The following GABRG1 variants were observed in gnomAD, a reference collection of about 807,000 sequenced individuals.
GABRG1 encodes the protein gamma-aminobutyric acid receptor subunit gamma-1.
A neutral mutation model predicts 49.8 loss-of-function variants in GABRG1; 49 were observed. The observed-to-expected ratio is 0.98, with a 90% confidence interval of 0.78 to 1.25. The LOEUF (loss-of-function observed/expected upper bound fraction) is 1.25, where lower values mean the gene tolerates loss of function less well. Among genes scored for constraint, GABRG1 ranks in the 50% most tolerant of loss-of-function variants. The probability of loss-of-function intolerance (pLI) is 0.00; values close to 1 mark genes in which losing one functional copy is unlikely to be tolerated. For synonymous variants in GABRG1, 232 were observed against 185.1 expected, an observed-to-expected ratio of 1.25 and a Z score of -2.06; for missense variants, 552 against 552.3, an observed-to-expected ratio of 1.00 and a Z score of 0.01.
chr4:46,048,856 A>G (rs2109395690), intron 8 of GABRG1, among the ~76,000 whole-genome samples: 1 of 152,096 alleles, frequency 6.6e-6, no homozygotes, highest in African/African-American at 2.4e-5. Context: ...GGTTCTTTGA[A>G]GCTAAAAATC....
chr4:46,116,395 A>G (rs1720887954), intron 1 of GABRG1, among the ~76,000 whole-genome samples: 1 of 150,834 alleles, frequency 6.6e-6, no homozygotes, highest in South Asian at 2.1e-4. Context: ...TAGAAAAAAA[A>G]TACAAATCGT....
chr4:46,057,541 C>A (rs1256325376), intron 7 of GABRG1, among the ~76,000 whole-genome samples: 2 of 151,972 alleles, frequency 1.3e-5, no homozygotes, highest in Non-Finnish European at 2.9e-5. Flanking sequence ...TGTAATTAGT[C>A]ACTTATTTTG....
intron 5 of GABRG1, among the ~76,000 whole-genome samples, chr4:46,062,218 T>G (rs1318104483): frequency 6.6e-6 from 1 of 152,016 alleles, no homozygotes; most frequent in Non-Finnish European, 1.5e-5. Flanking sequence ...AACATTTTTA[T>G]GGCTGCATAG....
At chr4:46,090,955 TAC>T (rs61288916) in intron 2 of GABRG1, among the ~76,000 whole-genome samples, 17,871 of 130,966 alleles carry the variant, frequency 0.14, 1,166 homozygotes, top group African/African-American at 0.18. Context: ...CACACACACA[TAC>T]ACACACACAC....
chr4:46,095,356 A>T lies in GABRG1; in HGVS notation c.253+1845T>A, dbSNP rs1027517362. ...TATTCAACTTTATGTTCCTAAATAA[A>T]TAAATACAGAAGTAAATGCATTTTC... is the stretch of plus-strand genomic sequence containing the variant. On this transcript the variant is annotated intron_variant, in intron 2 of 8. Coordinates refer to ENST00000295452, the MANE Select transcript of GABRG1 (RefSeq NM_173536.4). 2.0e-5 allele frequency among the ~76,000 whole-genome samples: 3 copies of T among 151,926 alleles called. No homozygotes were observed. The East Asian group carries it at 5.8e-4, about 30-fold the overall frequency.
chr4:46,048,370 A>AGAAGGAAGGAAGGAAGGAAGGAAG (rs143416418), intron 8 of GABRG1, among the ~76,000 whole-genome samples: 49 of 121,388 alleles, frequency 4.0e-4, no homozygotes, highest in Admixed American at 3.1e-3. Flanking sequence ...AATGGAATAG[A>AGAAGGAAGGAAGGAAGGAAGGAAG]GAAGGAAGGA....
chr4:46,099,146 C>T (rs1039517407), intron 1 of GABRG1, among the ~76,000 whole-genome samples: 1 of 151,614 alleles, frequency 6.6e-6, no homozygotes, highest in South Asian at 2.1e-4. Flanking sequence ...GCTTCTCACC[C>T]TACTAACTTT....
At chr4:46,076,468 T>A (rs1719336658) in intron 3 of GABRG1, among the ~76,000 whole-genome samples, 1 of 148,154 alleles carries the variant, frequency 6.7e-6, no homozygotes, top group African/African-American at 2.5e-5. Context: ...GCAAAGTCAC[T>A]CTTTTCTGAT....
chr4:46,045,029 A>G (rs1346682206), intron 8 of GABRG1, among the ~76,000 whole-genome samples: 1 of 152,102 alleles, frequency 6.6e-6, no homozygotes, highest in East Asian at 1.9e-4. Flanking sequence ...GATGGTTGCA[A>G]ACTTGACAGT....
At chr4:46,112,859 C>A (rs962164587) in intron 1 of GABRG1, among the ~76,000 whole-genome samples, 1 of 150,862 alleles carries the variant, frequency 6.6e-6, no homozygotes. Flanking sequence ...TGGGATTATT[C>A]CTACTTCAAA....
chr4:46,115,970 T>C (rs1056148938), intron 1 of GABRG1, among the ~76,000 whole-genome samples: 29 of 150,906 alleles, frequency 1.9e-4, no homozygotes, highest in Non-Finnish European at 3.0e-4. Context: ...AACAGATTTT[T>C]TTCTTAATGC....
rs531521507 is a variant in GABRG1 at position 46,044,634 on chromosome 4, C to T, written c.1132-3380G>A. Among the ~76,000 whole-genome samples, 5 of 152,146 alleles carry T rather than the reference C, an allele frequency of 3.3e-5. No individual in the cohort carries two copies. In the South Asian group the frequency reaches 1.0e-3, roughly 32 times the overall value. ...CAAAAGAAGACACATCTCAGAAAGG[C>T]TCAGTAAATGGAAACATGACTGTGG... On this transcript the variant is annotated intron_variant, in intron 8 of 8. Transcript: ENST00000295452.
Position 46,051,510 on chromosome 4 carries a change from T to G in GABRG1, c.1045A>C (p.Met349Leu). 4 of 1,611,414 alleles carry G rather than the reference T, an allele frequency of 2.5e-6. No individual in the cohort carries two copies. The highest frequency in any genetic ancestry group is 3.4e-6 in the Non-Finnish European group (4 of 1,178,498). ...AAATAATGCAAGGTTCCATATTCCA[T>G]CAAGGCTGCAAAAACAAAAATGAAA... ...VCFIFVFAAL[M>L]EYGTLHYFTS... is the part of the protein sequence containing the mutation. The change falls in exon 8 of 9, where the codon ATG becomes CTG. Residue 349 changes from methionine to leucine, a missense_variant. Physicochemically the swap from Met to Leu is conservative, Grantham distance 15. Coordinates refer to ENST00000295452, the MANE Select transcript of GABRG1 (RefSeq NM_173536.4).
chr4:46,110,964 C>T (rs1240174450), intron 1 of GABRG1, among the ~76,000 whole-genome samples: 1 of 151,124 alleles, frequency 6.6e-6, no homozygotes, highest in Non-Finnish European at 1.5e-5. Context: ...ACTCCTACCA[C>T]TCCTATTCAA....
intron 3 of GABRG1, among the ~76,000 whole-genome samples, chr4:46,073,919 T>C (rs1246739774): frequency 1.3e-5 from 2 of 152,250 alleles, no homozygotes; most frequent in East Asian, 3.9e-4. Flanking sequence ...TTGTTGACCA[T>C]GGGTAACTGA....
chr4:46,070,086 A>G (rs182004671), intron 3 of GABRG1, among the ~76,000 whole-genome samples: 2 of 152,116 alleles, frequency 1.3e-5, no homozygotes, highest in East Asian at 3.9e-4. Flanking sequence ...CAGGGAATGT[A>G]CATTCCTCAA....
At chr4:46,122,133 C>T (rs1721104593) in intron 1 of GABRG1, among the ~76,000 whole-genome samples, 2 of 152,086 alleles carry the variant, frequency 1.3e-5, no homozygotes, top group South Asian at 4.1e-4. Flanking sequence ...TAAACCTGCA[C>T]TCTGTCCCTT....
intron 8 of GABRG1, among the ~76,000 whole-genome samples, chr4:46,043,716 T>A (rs1362528634): frequency 6.6e-6 from 1 of 152,028 alleles, no homozygotes; most frequent in Non-Finnish European, 1.5e-5. Flanking sequence ...AATAGAATAT[T>A]CTACCTTAAA....
In GABRG1 at chr4:46,100,838, C is replaced by T. The variant is rs536417004; in HGVS notation, c.105-3489G>A. On this transcript the variant is annotated intron_variant, in intron 1 of 8. Transcript: ENST00000295452. Reference sequence around the variant, plus strand: ...AGTAGAGAGGTAATATGAAAATTGACCTCAAAAATACTATAAAGTTATCTT... The same window carrying T: ...AGTAGAGAGGTAATATGAAAATTGATCTCAAAAATACTATAAAGTTATCTT... Among the ~76,000 whole-genome samples, 6 of 149,946 alleles carry T rather than the reference C, an allele frequency of 4.0e-5. No homozygotes were observed. The East Asian group carries it at 9.9e-4, about 25-fold the overall frequency.
Sources: gnomAD v4.1 joint callset for allele counts (sites outside exome capture counted in the v4.1 genomes callset) on GRCh38, gnomAD v4.1.1 for gene constraint, MANE v1.5 for transcripts, NCBI Gene and HGNC (gene_info 2026-07-23, HGNC 2026-07-21) for gene names.